The following GALK2 variants were observed in gnomAD, a reference collection of about 807,000 sequenced individuals.
GALK2 encodes the protein galactokinase 2.
Under a neutral mutation model 52.4 loss-of-function variants are expected in GALK2, and 36 were observed. The ratio of observed to expected loss-of-function variants is 0.69; its 90% confidence interval spans 0.53 to 0.91. The LOEUF (loss-of-function observed/expected upper bound fraction) is 0.91, where lower values mean the gene tolerates loss of function less well. GALK2 is among the 40% of genes least tolerant of loss of function. GALK2 has a pLI of 0.00. For missense variants in GALK2, 579 were observed against 559.1 expected (o/e 1.04, Z -0.36); for synonymous variants, 176 against 199.1 (o/e 0.88, Z 0.98).
chr15:49,168,005 C>A (rs1325330490), upstream of GALK2, among the ~76,000 whole-genome samples: 1 of 152,054 alleles, frequency 6.6e-6, no homozygotes, highest in African/African-American at 2.4e-5. Context: ...ACTGGGGTCT[C>A]AACAAAAGTC....
At chr15:49,258,829 TGAGAGA>T (rs1200292800) in intron 5 of GALK2, among the ~76,000 whole-genome samples, 10 of 124,046 alleles carry the variant, frequency 8.1e-5, no homozygotes, top group Admixed American at 6.7e-4. Context: ...TGTGTGTGTG[TGAGAGA>T]GAGAGAGAGA....
At chr15:49,305,941 C>G (rs963061010) in intron 8 of GALK2, among the ~76,000 whole-genome samples, 10 of 152,174 alleles carry the variant, frequency 6.6e-5, no homozygotes, top group Non-Finnish European at 1.5e-4. Context: ...TTTATTCTTT[C>G]AGGGTATTGC....
chr15:49,262,359 G>A (rs995696992), intron 5 of GALK2, among the ~76,000 whole-genome samples: 1 of 152,172 alleles, frequency 6.6e-6, no homozygotes, highest in Admixed American at 6.5e-5. Flanking sequence ...TTTGCATAGA[G>A]GTGTTTGTAG....
chr15:49,337,837 A>G (rs984407629), intron 3 of GALK2, among the ~76,000 whole-genome samples: 1 of 152,004 alleles, frequency 6.6e-6, no homozygotes, highest in Non-Finnish European at 1.5e-5. Flanking sequence ...TGTCCCTGCA[A>G]TGTTTTTTAT....
At chr15:49,158,798 T>C (rs556703816) in intron 1 of GALK2, 1 of 151,594 alleles carries the variant, frequency 6.6e-6, no homozygotes, top group South Asian at 2.1e-4. Flanking sequence ...GGATTATTTT[T>C]GCATCTATGT....
chr15:49,353,483 A>C (rs1273815807), intron 3 of GALK2: 1 of 152,162 alleles, frequency 6.6e-6, no homozygotes, highest in Non-Finnish European at 1.5e-5. Context: ...GTATGTTTTG[A>C]ACAAAAATAT....
At chr15:49,171,578 C>A (rs530686734) in intron 1 of GALK2, among the ~76,000 whole-genome samples, 4 of 152,248 alleles carry the variant, frequency 2.6e-5, no homozygotes, top group South Asian at 2.1e-4. Flanking sequence ...AGCATGATTT[C>A]TTATTATAGA....
chr15:49,360,394 C>T (rs2043998758), intron 3 of GALK2, among the ~76,000 whole-genome samples: 1 of 152,080 alleles, frequency 6.6e-6, no homozygotes, highest in African/African-American at 2.4e-5. Context: ...ACAGATATGG[C>T]TTATACACTT....
rs568967296 is a variant in GALK2, at chr15:49,210,494, C to T, written c.143-6696C>T. 1.6e-4 allele frequency among the ~76,000 whole-genome samples: 24 copies of T among 151,474 alleles called. No individual in the cohort carries two copies. In the East Asian group the frequency reaches 1.7e-3, roughly 11 times the overall value. ...TGCTCTTGTTGCCCAAGCTGGAGTG[C>T]AATGGTGCGATCTCAGCTCACTGCA... On this transcript the variant is annotated intron_variant, in intron 2 of 9. Coordinates refer to ENST00000560031, the MANE Select transcript of GALK2 (RefSeq NM_002044.4).
intron 3 of GALK2, among the ~76,000 whole-genome samples, chr15:49,354,965 C>T (rs1214515960): frequency 6.6e-6 from 1 of 151,940 alleles, no homozygotes; most frequent in Non-Finnish European, 1.5e-5. Flanking sequence ...GGGAGGCACC[C>T]CCCAGCAGGG....
At chr15:49,348,306 C>G (rs1468261125) in intron 3 of GALK2, among the ~76,000 whole-genome samples, 1 of 152,158 alleles carries the variant, frequency 6.6e-6, no homozygotes, top group East Asian at 1.9e-4. Context: ...TTCGGGTTTG[C>G]TTTGCAAATA....
chr15:49,291,765 C>T (rs994733032), intron 7 of GALK2, among the ~76,000 whole-genome samples: 10 of 152,190 alleles, frequency 6.6e-5, no homozygotes, highest in Non-Finnish European at 1.3e-4. Context: ...CTACTACCAC[C>T]AGTGACCTAA....
chr15:49,168,549 T>C (rs1301641961), upstream of GALK2, among the ~76,000 whole-genome samples: 1 of 152,048 alleles, frequency 6.6e-6, no homozygotes, highest in Admixed American at 6.5e-5. Context: ...TGAAACCCCG[T>C]CTTTACTAAA....
chr15:49,327,245 G>A (rs2037663539), intron 9 of GALK2: 1 of 152,186 alleles, frequency 6.6e-6, no homozygotes, highest in South Asian at 2.1e-4. Flanking sequence ...CAACTTCTGA[G>A]TCCAATAATC....
In GALK2 at chr15:49,345,953, G is replaced by A. The variant is rs112749765; in HGVS notation, c.427-21538G>A. 5.1e-3 allele frequency among the ~76,000 whole-genome samples: 771 copies of A among 152,162 alleles called. 7 individuals are homozygous for A. Among genetic ancestry groups the A allele is most frequent in the African/African-American group, 0.017 (726 of 41,498 alleles). On this transcript the variant is annotated intron_variant, in intron 3 of 3. Coordinates refer to the GALK2 transcript ENST00000558399. ...AAAGAATGGCCCAGGGGCAAATTTCGTACTTATCTGCCAAAAGTATTGTCC... is the reference window on the plus strand; with the variant it reads ...AAAGAATGGCCCAGGGGCAAATTTCATACTTATCTGCCAAAAGTATTGTCC...
intron 1 of GALK2, among the ~76,000 whole-genome samples, chr15:49,191,181 A>G (rs2141259826): frequency 6.6e-6 from 1 of 152,216 alleles, no homozygotes; most frequent in East Asian, 1.9e-4. Context: ...TTTCCTATTA[A>G]GGGAGGAATA....
At chr15:49,271,020 C>T (rs757982582) in intron 5 of GALK2, among the ~76,000 whole-genome samples, 12 of 152,128 alleles carry the variant, frequency 7.9e-5, no homozygotes, top group Non-Finnish European at 1.5e-4. Context: ...TTCCTCTATC[C>T]ATGGGAAGGA....
chr15:49,204,238 T>A (rs77617816), intron 2 of GALK2, among the ~76,000 whole-genome samples: 9,071 of 152,212 alleles, frequency 0.06, 536 homozygotes, highest in African/African-American at 0.15. Context: ...TGTAGTATAT[T>A]TGAAGTCAGA....
At chr15:49,266,693 C>G (rs1354837357) in intron 5 of GALK2, among the ~76,000 whole-genome samples, 2 of 152,180 alleles carry the variant, frequency 1.3e-5, no homozygotes, top group Non-Finnish European at 2.9e-5. Flanking sequence ...TGGTTAGTGT[C>G]TTCAGCCAGG....
Sources: allele counts gnomAD v4.1 joint callset (sites outside exome capture counted in the v4.1 genomes callset), GRCh38; gene constraint gnomAD v4.1.1; transcripts MANE v1.5; gene names NCBI Gene and HGNC (gene_info 2026-07-23, HGNC 2026-07-21).